The following ARHGEF3 variants were observed in gnomAD, a reference collection of about 807,000 sequenced individuals.
ARHGEF3 encodes 59.8 kDA protein.
A neutral mutation model predicts 63.2 loss-of-function variants in ARHGEF3; 28 were observed. The observed-to-expected ratio is 0.44, with a 90% CI of 0.33 to 0.61. The LOEUF is 0.61. Among genes scored for constraint, ARHGEF3 ranks in the 20% least tolerant of loss-of-function variants. The pLI, the probability that ARHGEF3 is intolerant of heterozygous loss-of-function variation, is 0.03. For synonymous variants in ARHGEF3, 266 were observed against 254.2 expected (o/e 1.05, Z -0.44); for missense variants, 533 against 659.3 (o/e 0.81, Z 2.10).
At chr3:56,747,064 C>G (rs1994584) in intron 6 of ARHGEF3, among the ~76,000 whole-genome samples, 3,508 of 148,212 alleles carry the variant, frequency 0.024, 84 homozygotes, top group East Asian at 0.093. Context: ...CACACACACA[C>G]AGAGAGAGAG....
At chr3:56,951,967 G>T (rs547560256) in intron 3 of ARHGEF3, among the ~76,000 whole-genome samples, 1 of 152,020 alleles carries the variant, frequency 6.6e-6, no homozygotes, top group East Asian at 1.9e-4. Flanking sequence ...CCTCTGTGTG[G>T]TAGGCAAAAT....
chr3:56,821,482 T>G (rs2038491657), intron 4 of ARHGEF3, among the ~76,000 whole-genome samples: 1 of 152,196 alleles, frequency 6.6e-6, no homozygotes, highest in South Asian at 2.1e-4. Flanking sequence ...TATTTAACAC[T>G]AAATTATCCA....
chr3:56,992,022 CTCTG>C (rs1325922808), intron 2 of ARHGEF3, among the ~76,000 whole-genome samples: 4 of 71,102 alleles, frequency 5.6e-5, no homozygotes, highest in East Asian at 7.7e-4. Context: ...CCCCTCCTCT[CTCTG>C]TGTGTGTGTG....
At chr3:56,989,750 A>C (rs1490373655) in intron 2 of ARHGEF3, among the ~76,000 whole-genome samples, 1 of 152,132 alleles carries the variant, frequency 6.6e-6, no homozygotes, top group Non-Finnish European at 1.5e-5. Flanking sequence ...CCCTGACTTC[A>C]TCAGTGAGTT....
At chr3:56,806,777 G>A (rs752260412), upstream of ARHGEF3, among the ~76,000 whole-genome samples, 6 of 152,194 alleles carry the variant, frequency 3.9e-5, no homozygotes, top group Non-Finnish European at 7.4e-5. Context: ...AGCAGAGCAG[G>A]CCTAGCCTGA....
chr3:56,792,103 C>CAAAAA (rs1553755406), intron 1 of ARHGEF3, among the ~76,000 whole-genome samples: 69 of 91,306 alleles, frequency 7.6e-4, no homozygotes, highest in East Asian at 3.5e-3. Flanking sequence ...GACTCTGTCT[C>CAAAAA]AAAAAAAAAA....
chr3:56,791,519 G>A (rs2037076748), intron 1 of ARHGEF3, among the ~76,000 whole-genome samples: 1 of 152,148 alleles, frequency 6.6e-6, no homozygotes, highest in Non-Finnish European at 1.5e-5. Context: ...TGGGCTTTTC[G>A]TTTTAACAGT....
chr3:56,972,450 C>T (rs1225522588), intron 2 of ARHGEF3, among the ~76,000 whole-genome samples: 1 of 152,084 alleles, frequency 6.6e-6, no homozygotes, highest in Non-Finnish European at 1.5e-5. Flanking sequence ...CATAGGGATA[C>T]AGCAGAGGAA....
chr3:56,891,511 T>C (rs976940854), intron 3 of ARHGEF3, among the ~76,000 whole-genome samples: 2 of 152,144 alleles, frequency 1.3e-5, no homozygotes, highest in Non-Finnish European at 2.9e-5. Context: ...AAATATAATA[T>C]GCAATTATGT....
intron 1 of ARHGEF3, among the ~76,000 whole-genome samples, chr3:57,038,223 G>A (rs919125561): frequency 6.6e-6 from 1 of 152,122 alleles, no homozygotes; most frequent in Non-Finnish European, 1.5e-5. Flanking sequence ...GCTCGGTGGT[G>A]GCTGAATGAA....
intron 2 of ARHGEF3, among the ~76,000 whole-genome samples, chr3:57,020,907 A>T (rs773207854): frequency 6.6e-6 from 1 of 152,240 alleles, no homozygotes; most frequent in Non-Finnish European, 1.5e-5. Flanking sequence ...GTTATAAGGG[A>T]TACTGGTGGC....
chr3:56,727,819 T>C lies in ARHGEF3; in HGVS notation c.*1451A>G, dbSNP rs1268562327. 6.6e-6 allele frequency: 1 copy of C among 152,644 alleles called. No individual in the cohort carries two copies. The highest frequency in any genetic ancestry group is 1.5e-5 in the Non-Finnish European group (1 of 68,036). 9.5% of individuals were successfully genotyped at this position (152,644 alleles called of 1,614,324 possible). A position where few individuals can be genotyped will look rare whatever the true frequency, so the allele number is the denominator to read the frequency against. ...CTTGTTTTCAAAAAATAATAAAGTA[T>C]ATACCTTGTTTTTATATTGATATAT... On this transcript the variant is annotated 3_prime_UTR_variant, in exon 10 of 10. Coordinates refer to ENST00000296315, the MANE Select transcript of ARHGEF3 (RefSeq NM_019555.3).
Position 56,728,500 on chromosome 3 carries a change from T to G in ARHGEF3, c.*770A>C, listed in dbSNP as rs1281662487. 6.6e-6 allele frequency: 1 copy of G among 152,644 alleles called. No homozygotes were observed. The highest frequency in any genetic ancestry group is 1.5e-5 in the Non-Finnish European group (1 of 68,052). The allele number at this position is 152,644 out of a possible 1,614,324, so 9.5% of individuals were successfully genotyped here. On this transcript the variant is annotated 3_prime_UTR_variant, in exon 10 of 10. Transcript: ENST00000296315. ...ATCCTGGCAGGCCTTCCTAAGCCCT[T>G]TGGGTTCTATTCTGATGTTTTAGGC...
At chr3:57,027,670 C>T (rs1432140415) in intron 2 of ARHGEF3, among the ~76,000 whole-genome samples, 1 of 152,118 alleles carries the variant, frequency 6.6e-6, no homozygotes, top group South Asian at 2.1e-4. Flanking sequence ...GCCTGGCCAA[C>T]GTGGTGAAAC....
chr3:56,904,666 C>T (rs1428929113), intron 3 of ARHGEF3, among the ~76,000 whole-genome samples: 4 of 152,142 alleles, frequency 2.6e-5, no homozygotes, highest in Admixed American at 1.3e-4. Context: ...AATCAAGCTG[C>T]TATGATTTGT....
intron 2 of ARHGEF3, among the ~76,000 whole-genome samples, chr3:56,762,288 A>G (rs2035465305): frequency 1.3e-5 from 2 of 152,194 alleles, no homozygotes; most frequent in African/African-American, 4.8e-5. Flanking sequence ...AAAATATTCC[A>G]GGACAAGCAA....
intron 1 of ARHGEF3, among the ~76,000 whole-genome samples, chr3:56,796,215 G>C (rs1014162348): frequency 1.3e-5 from 2 of 152,140 alleles, no homozygotes; most frequent in Admixed American, 6.5e-5. Flanking sequence ...TGCAAAATTA[G>C]GTTGTGATCA....
chr3:57,000,321 C>G (rs1702143800), intron 2 of ARHGEF3, among the ~76,000 whole-genome samples: 1 of 151,130 alleles, frequency 6.6e-6, no homozygotes, highest in South Asian at 2.1e-4. Context: ...CACACACACA[C>G]ACACACACAC....
chr3:57,022,574 A>C (rs1579109728), intron 2 of ARHGEF3, among the ~76,000 whole-genome samples: 1 of 152,250 alleles, frequency 6.6e-6, no homozygotes, highest in Non-Finnish European at 1.5e-5. Flanking sequence ...CCTCTTCTCT[A>C]CTTGTGTGAA....
Sources: gnomAD v4.1 joint callset for allele counts (sites outside exome capture counted in the v4.1 genomes callset) on GRCh38, gnomAD v4.1.1 for gene constraint, MANE v1.5 for transcripts, NCBI Gene and HGNC (gene_info 2026-07-23, HGNC 2026-07-21) for gene names.